The following LVRN variants were observed in gnomAD, a reference collection of about 807,000 sequenced individuals.
LVRN encodes the protein laeverin, also known as aminopeptidase Q.
LVRN carries 99 observed loss-of-function variants against 111.4 expected under a neutral mutation model. That is an observed-to-expected ratio of 0.89 (90% CI 0.76 to 1.05). The LOEUF (loss-of-function observed/expected upper bound fraction) is 1.05, where lower values mean the gene tolerates loss of function less well. Among genes scored for constraint, LVRN ranks in the 50% least tolerant of loss-of-function variants. The pLI is 0.00. For synonymous variants in LVRN, 488 were observed against 449.5 expected (o/e 1.09, Z -1.08); for missense variants, 1,414 against 1,206.8 (o/e 1.17, Z -2.54).
At chr5:115,994,925 T>C (rs1748073377) in intron 6 of LVRN, among the ~76,000 whole-genome samples, 1 of 152,180 alleles carries the variant, frequency 6.6e-6, no homozygotes, top group Non-Finnish European at 1.5e-5. Context: ...CTTCCCCTCC[T>C]CTCTTCTGTC....
Position 115,993,836 on chromosome 5 carries a change from T to G in LVRN, c.1356T>G (p.Phe452Leu). The change falls in exon 6 of 20, where the codon TTT (phenylalanine) becomes TTG (leucine). Residue 452 changes from phenylalanine to leucine, a missense_variant. Coordinates refer to ENST00000357872, the MANE Select transcript of LVRN (RefSeq NM_173800.5). ...SYFEFEVINYFNPKLPRNEIF... is the reference protein window; with the variant it reads ...SYFEFEVINYLNPKLPRNEIF... ...TTGAGTTTGAAGTAATTAACTACTT[T>G]AATCCTAAACTCCCAAGAGTAAGTA... The G allele has an allele frequency of 6.3e-7, 1 of 1,597,850 alleles. No individual in the cohort carries two copies. The highest frequency in any genetic ancestry group is 1.3e-5 in the African/African-American group (1 of 74,634).
At chr5:115,973,350 G>T (rs4921039) in intron 1 of LVRN, among the ~76,000 whole-genome samples, 85,600 of 152,098 alleles carry the variant, frequency 0.56, 25,016 homozygotes, top group East Asian at 0.74. Flanking sequence ...TGAGAGTTAT[G>T]GACTTGTAGT....
At chr5:115,968,809 T>C (rs1311053564) in intron 1 of LVRN, among the ~76,000 whole-genome samples, 1 of 152,194 alleles carries the variant, frequency 6.6e-6, no homozygotes, top group Non-Finnish European at 1.5e-5. Context: ...AAAAATCAGC[T>C]GGAGAATGGG....
Position 116,012,417 on chromosome 5 carries a change from C to T in LVRN, c.2291C>T (p.Ser764Leu). The T allele has an allele frequency of 6.5e-7, 1 of 1,543,572 alleles. No homozygotes were observed. Among genetic ancestry groups the T allele is most frequent in the Non-Finnish European group, 8.9e-7 (1 of 1,123,936 alleles). Residue 764 changes from serine (S) to leucine (L), a missense_variant, in exon 15 of 20, where the codon TCA becomes TTA. By Grantham distance (145) the Ser-to-Leu change is moderately radical. Coordinates refer to ENST00000357872, the MANE Select transcript of LVRN (RefSeq NM_173800.5). ...KRLNLIWNIY[S>L]TIIRENVLAL... The stretch of plus-strand genomic sequence containing the variant: ...CTTAATTTAATATGGAATATTTATT[C>T]AACTATAATTCGTGAAAATGTGTTG...
chr5:115,987,772 C>G, intron 3 of LVRN, 41 bp from the exon 4 acceptor site: 2 of 1,589,312 alleles, frequency 1.3e-6, no homozygotes, highest in Non-Finnish European at 1.7e-6. Flanking sequence ...TCCAAAATCA[C>G]TACTGGTTTT....
intron 1 of LVRN, among the ~76,000 whole-genome samples, chr5:115,974,238 G>T (rs1350376491): frequency 6.6e-6 from 1 of 152,102 alleles, no homozygotes; most frequent in Non-Finnish European, 1.5e-5. Flanking sequence ...AGATCAAAAG[G>T]CTTATGTATT....
intron 1 of LVRN, among the ~76,000 whole-genome samples, chr5:115,977,980 G>A (rs1753482777): frequency 6.6e-6 from 1 of 152,224 alleles, no homozygotes; most frequent in Admixed American, 6.5e-5. Flanking sequence ...GTGTGAAATA[G>A]TTGGTGAAAA....
chr5:116,017,314 C>A (rs2112638225), intron 18 of LVRN, among the ~76,000 whole-genome samples: 1 of 152,240 alleles, frequency 6.6e-6, no homozygotes, highest in Admixed American at 6.5e-5. Flanking sequence ...TCATGTGAAG[C>A]AGTTTTATTT....
At chr5:115,981,850 C>G (rs956235069) in intron 1 of LVRN, among the ~76,000 whole-genome samples, 7 of 151,938 alleles carry the variant, frequency 4.6e-5, no homozygotes, top group African/African-American at 1.7e-4. Flanking sequence ...TTTGTGAGAT[C>G]GGAAGGGATA....
chr5:115,980,002 C>G (rs1210723384), intron 1 of LVRN, among the ~76,000 whole-genome samples: 1 of 152,068 alleles, frequency 6.6e-6, no homozygotes, highest in East Asian at 1.9e-4. Flanking sequence ...GTCCATGATC[C>G]ACTTCCAGCA....
At position 115,963,081 on chromosome 5, in the gene LVRN, G is replaced by T. The variant is rs769285747; in HGVS notation, c.464G>T (p.Arg155Leu). The T allele has an allele frequency of 5.0e-6, 8 of 1,613,666 alleles. No homozygotes were observed. The highest frequency in any genetic ancestry group is 1.1e-5 in the South Asian group (1 of 91,080). ...LLHSLFQDCE[R>L]AEVRGPLSPG... ...CATAGCCTCTTCCAGGACTGCGAGC[G>T]CGCCGAGGTGCGGGGACCCCTTTCC... Residue 155 changes from arginine (R) to leucine (L), a missense_variant, in exon 1 of 20, where the codon CGC (arginine) becomes CTC (leucine). Arg to Leu is a moderately radical substitution (Grantham distance 102). Coordinates refer to ENST00000357872, the MANE Select transcript of LVRN (RefSeq NM_173800.5).
intron 7 of LVRN, 149 bp downstream of exon 7, chr5:116,000,051 G>A: frequency 1.1e-6 from 1 of 928,806 alleles, no homozygotes. Context: ...CAGAAAACAT[G>A]ATTAAATTAA....
chr5:115,968,588 A>T (rs138857486), intron 1 of LVRN, among the ~76,000 whole-genome samples: 1 of 151,958 alleles, frequency 6.6e-6, no homozygotes, highest in African/African-American at 2.4e-5. Context: ...ACAGTTGCCC[A>T]TCTGGTCCCC....
chr5:115,987,914 T>C lies in LVRN; in HGVS notation c.1080T>C (p.Asn360=), dbSNP rs765905219. 2 of 1,612,950 alleles carry C rather than the reference T, an allele frequency of 1.2e-6. No individual in the cohort carries two copies. The highest frequency in any genetic ancestry group is 2.2e-5 in the South Asian group (2 of 90,890). The change falls in exon 4 of 20, where the codon AAT becomes AAC. Residue 360 remains asparagine (N), a synonymous_variant. Transcript: ENST00000357872. ...PIFSFLEDLF[N]ISYSLPKTDI... is the part of the protein sequence containing the mutation. ...TCTCTTTTCTGGAGGATTTGTTTAA[T>C]ATCAGTTACTCTCTTCCAAAAACAG...
chr5:115,986,051 T>A (rs1366199), intron 3 of LVRN, among the ~76,000 whole-genome samples: 1 of 152,054 alleles, frequency 6.6e-6, no homozygotes, highest in Non-Finnish European at 1.5e-5. Flanking sequence ...AACCTAGTGA[T>A]GAATTAGTAA....
intron 1 of LVRN, among the ~76,000 whole-genome samples, chr5:115,967,808 G>C (rs1407328607): frequency 6.6e-6 from 1 of 152,100 alleles, no homozygotes; most frequent in Non-Finnish European, 1.5e-5. Context: ...TACACATTTT[G>C]TTAGATTCAC....
intron 5 of LVRN, among the ~76,000 whole-genome samples, chr5:115,993,286 C>T (rs1748034484): frequency 1.3e-5 from 2 of 151,264 alleles, no homozygotes; most frequent in South Asian, 4.2e-4. Context: ...GTGATTTGTA[C>T]ATGGCACAGA....
rs778995110 is a variant in LVRN at position 116,015,330 on chromosome 5, A to G, written c.2529A>G (p.Leu843=). ...LGSDKEWDIL[L]NTYTNTTNKE... is the part of the protein sequence containing the mutation. ...GTGATAAAGAGTGGGACATCTTGTT[A>G]AATACTTACACTAATACAACAAACA... The change falls in exon 17 of 20, where the codon TTA becomes TTG. Residue 843 remains leucine, a synonymous_variant. Coordinates refer to ENST00000357872, the MANE Select transcript of LVRN (RefSeq NM_173800.5). 4 of 1,612,554 alleles carry G rather than the reference A, an allele frequency of 2.5e-6. No individual in the cohort carries two copies. Among genetic ancestry groups the G allele is most frequent in the South Asian group, 2.2e-5 (2 of 90,752 alleles).
chr5:115,991,180 C>A lies in LVRN; in HGVS notation c.1106-943C>A, dbSNP rs191129224. On this transcript the variant is annotated intron_variant, in intron 4 of 19. Coordinates refer to ENST00000357872, the MANE Select transcript of LVRN (RefSeq NM_173800.5). ...GAATAGTTTCACTGCCATAAAAATC[C>A]CCTGTTCTCCATCTATTTATCCTCC... Among the ~76,000 whole-genome samples, 70 of 152,088 alleles carry A rather than the reference C, an allele frequency of 4.6e-4. 1 individual carries two copies. The East Asian group carries it at 0.011, about 25-fold the overall frequency.
Sources: gnomAD v4.1 joint callset for allele counts (sites outside exome capture counted in the v4.1 genomes callset) on GRCh38, gnomAD v4.1.1 for gene constraint, MANE v1.5 for transcripts, NCBI Gene and HGNC (gene_info 2026-07-23, HGNC 2026-07-21) for gene names.